The following PCDHA4 variants were observed in gnomAD, a reference collection of about 807,000 sequenced individuals.
PCDHA4 encodes protocadherin alpha 4, also known as protocadherin alpha-4.
Under a neutral mutation model 61.4 loss-of-function variants are expected in PCDHA4, and 49 were observed. That is an observed-to-expected ratio of 0.80 (90% CI 0.63 to 1.01). The LOEUF (loss-of-function observed/expected upper bound fraction) is 1.01, where lower values mean the gene tolerates loss of function less well. PCDHA4 is among the 50% of genes least tolerant of loss of function. The probability of loss-of-function intolerance (pLI) is 0.00; values close to 1 mark genes in which losing one functional copy is unlikely to be tolerated. For missense variants in PCDHA4, 1,254 were observed against 1,235.8 expected, an observed-to-expected ratio of 1.01 and a Z score of -0.22; for synonymous variants, 590 against 550.3, an observed-to-expected ratio of 1.07 and a Z score of -1.01.
At chr5:140,888,959 A>G (rs1554183707) in intron 1 of PCDHA4, among the ~76,000 whole-genome samples, 1 of 152,024 alleles carries the variant, frequency 6.6e-6, no homozygotes, top group African/African-American at 2.4e-5. Flanking sequence ...TTCTTTGGCA[A>G]TGTTAATGTG....
intron 1 of PCDHA4, chr5:140,884,110 G>A: frequency 6.2e-7 from 1 of 1,613,438 alleles, no homozygotes; most frequent in Non-Finnish European, 8.5e-7. Flanking sequence ...TGCAGCTGGC[G>A]GCGGTCGGCG....
intron 1 of PCDHA4, chr5:140,841,904 G>A (rs2150325203): frequency 1.9e-6 from 3 of 1,613,860 alleles, no homozygotes; most frequent in Non-Finnish European, 2.5e-6. Flanking sequence ...GGTTGAGCTC[G>A]TATTAAGAAA....
chr5:140,961,878 C>A (rs2095639757), intron 1 of PCDHA4, among the ~76,000 whole-genome samples: 1 of 150,888 alleles, frequency 6.6e-6, no homozygotes, highest in Non-Finnish European at 1.5e-5. Context: ...AATTGACTTA[C>A]TTACATCAGT....
chr5:140,850,048 A>G (rs1554143688), intron 1 of PCDHA4: 1 of 1,596,376 alleles, frequency 6.3e-7, no homozygotes, highest in Admixed American at 1.7e-5. Flanking sequence ...GGCAAGGTGT[A>G]CGCGCTGCAG....
Position 140,886,842 on chromosome 5 carries a change from A to AG in PCDHA4, c.2385+77270_2385+77271insG, listed in dbSNP as rs1190647876. ...ACTTCGTCTTGAAAAAAAAAAAAAA[A>AG]AAAAAGAAAGGTCTTCCCAACTCCT... is the stretch of plus-strand genomic sequence containing the variant. On this transcript the variant is annotated intron_variant, in intron 1 of 3. Coordinates refer to ENST00000530339, the MANE Select transcript of PCDHA4 (RefSeq NM_018907.4). 2.4e-3 allele frequency among the ~76,000 whole-genome samples: 362 copies of AG among 151,632 alleles called. 2 individuals are homozygous for AG. Among genetic ancestry groups the AG allele is most frequent in the Middle Eastern group, 0.014 (4 of 292 alleles).
chr5:140,974,672 T>G lies in PCDHA4; in HGVS notation c.2386-4277T>G, dbSNP rs186958750. On this transcript the variant is annotated intron_variant, in intron 1 of 3. Coordinates refer to ENST00000530339, the MANE Select transcript of PCDHA4 (RefSeq NM_018907.4). ...GATTACAGGCATGCGCCACCATGCC[T>G]GGCTAATTTTGTATTTTTGGGTTTC... 4.6e-3 allele frequency among the ~76,000 whole-genome samples: 694 copies of G among 152,134 alleles called. 4 individuals are homozygous for G. Among genetic ancestry groups the G allele is most frequent in the African/African-American group, 0.016 (672 of 41,518 alleles).
intron 1 of PCDHA4, among the ~76,000 whole-genome samples, chr5:140,941,213 TCC>T (rs1491191685): frequency 2.4e-4 from 26 of 106,900 alleles, no homozygotes; most frequent in African/African-American, 9.0e-4. Context: ...CTTTCTTTCT[TCC>T]TTTCTTTCTT....
At chr5:140,966,845 C>A in intron 1 of PCDHA4, 1 of 1,570,444 alleles carries the variant, frequency 6.4e-7, no homozygotes, top group Non-Finnish European at 8.6e-7. Flanking sequence ...GCTGCTACTG[C>A]CTCTCCTGCT....
intron 1 of PCDHA4, chr5:140,929,151 T>C: frequency 6.2e-7 from 1 of 1,614,202 alleles, no homozygotes; most frequent in East Asian, 2.2e-5. Context: ...TTTCTCAGAC[T>C]TATCTCTATC....
At chr5:140,928,506 A>G (rs1554205940) in intron 1 of PCDHA4, 4 of 1,614,090 alleles carry the variant, frequency 2.5e-6, no homozygotes, top group African/African-American at 1.3e-5. Context: ...GAAGTGCAAC[A>G]GTGACTATAA....
At chr5:140,832,074 T>C (rs2150199699) in intron 1 of PCDHA4, among the ~76,000 whole-genome samples, 2 of 152,370 alleles carry the variant, frequency 1.3e-5, no homozygotes, top group East Asian at 3.8e-4. Context: ...CTGAGATGTC[T>C]CTAACATTTT....
chr5:140,918,750 CAG>C (rs2078839943), intron 1 of PCDHA4, among the ~76,000 whole-genome samples: 1 of 152,070 alleles, frequency 6.6e-6, no homozygotes, highest in African/African-American at 2.4e-5. Flanking sequence ...AAAAGAGGCC[CAG>C]AGAGGTGCCT....
At chr5:140,970,920 G>A (rs957123423) in intron 1 of PCDHA4, among the ~76,000 whole-genome samples, 2 of 152,266 alleles carry the variant, frequency 1.3e-5, no homozygotes, top group Non-Finnish European at 2.9e-5. Flanking sequence ...TTTATCAGAA[G>A]TGCCTGGTGT....
rs782398517 is a variant in PCDHA4 at position 140,857,600 on chromosome 5, G to T, written c.2385+48028G>T. 9 of 1,596,344 alleles carry T rather than the reference G, an allele frequency of 5.6e-6. No homozygotes were observed. Among genetic ancestry groups the T allele is most frequent in the Non-Finnish European group, 7.7e-6 (9 of 1,167,692 alleles). On this transcript the variant is annotated intron_variant, in intron 1 of 3. Transcript: ENST00000530339. ...GCACGCGGAGAGCGGCAAGGTGTAC[G>T]CGCTGCAGCCGCTGGACCACGAGGA...
At chr5:140,875,891 TA>T (rs2055921027) in intron 1 of PCDHA4, 3 of 1,614,128 alleles carry the variant, frequency 1.9e-6, no homozygotes, top group Middle Eastern at 3.3e-4. Flanking sequence ...GAACAAAAGG[TA>T]CCTGTTTCTG....
chr5:140,964,880 C>T (rs2095860447), intron 1 of PCDHA4, among the ~76,000 whole-genome samples: 1 of 152,168 alleles, frequency 6.6e-6, no homozygotes, highest in Admixed American at 6.5e-5. Context: ...TAAGAAGCAG[C>T]AGTGATAGGA....
chr5:140,978,571 A>G (rs891123704), intron 1 of PCDHA4, among the ~76,000 whole-genome samples: 5 of 152,208 alleles, frequency 3.3e-5, no homozygotes, highest in African/African-American at 1.2e-4. Flanking sequence ...TGTAATACTG[A>G]ATTGGGAATG....
At chr5:140,958,145 A>G (rs1044763099) in intron 1 of PCDHA4, among the ~76,000 whole-genome samples, 4 of 152,156 alleles carry the variant, frequency 2.6e-5, no homozygotes, top group African/African-American at 4.8e-5. Context: ...GTATATTTAT[A>G]TAGCATAGTC....
chr5:140,906,669 A>G (rs2153496058), intron 1 of PCDHA4, among the ~76,000 whole-genome samples: 1 of 152,302 alleles, frequency 6.6e-6, no homozygotes. Context: ...GTAGTGACCC[A>G]AACCTTCATT....
Sources: gnomAD v4.1 joint callset for allele counts (sites outside exome capture counted in the v4.1 genomes callset) on GRCh38, gnomAD v4.1.1 for gene constraint, MANE v1.5 for transcripts, NCBI Gene and HGNC (gene_info 2026-07-23, HGNC 2026-07-21) for gene names.